Variants in B4GALT5 observed in about 807,000 individuals in gnomAD.
The protein encoded by B4GALT5 is UDP-Gal:beta-GlcNAc beta-1,4-galactosyltransferase 5.
A neutral mutation model predicts 45.0 loss-of-function variants in B4GALT5; 11 were observed. The ratio of observed to expected loss-of-function variants is 0.24; its 90% confidence interval spans 0.15 to 0.40. The LOEUF (loss-of-function observed/expected upper bound fraction) is 0.40. B4GALT5 is among the 10% of genes least tolerant of loss of function. The pLI is 1.00. For missense variants in B4GALT5, 337 were observed against 500.2 expected, an observed-to-expected ratio of 0.67 and a Z score of 3.11; for synonymous variants, 185 against 182.9, an observed-to-expected ratio of 1.01 and a Z score of -0.09.
intron 7 of B4GALT5, among the ~76,000 whole-genome samples, chr20:49,638,801 A>G (rs893095217): frequency 6.6e-6 from 1 of 152,250 alleles, no homozygotes; most frequent in African/African-American, 2.4e-5. Context: ...CAAAAGAATT[A>G]TCTACTATAT....
intron 1 of B4GALT5, among the ~76,000 whole-genome samples, chr20:49,688,465 A>G (rs1568730712): frequency 2.0e-5 from 3 of 152,250 alleles, no homozygotes; most frequent in East Asian, 3.9e-4. Flanking sequence ...CCTGACCAAA[A>G]CCACGCCCTT....
chr20:49,669,008 T>C (rs2085704336), intron 1 of B4GALT5, among the ~76,000 whole-genome samples: 1 of 151,576 alleles, frequency 6.6e-6, no homozygotes, highest in Admixed American at 6.6e-5. Context: ...ACCACAGGCG[T>C]ACACCACCAC....
chr20:49,645,616 G>A (rs1372502391), intron 3 of B4GALT5, among the ~76,000 whole-genome samples: 2 of 151,968 alleles, frequency 1.3e-5, no homozygotes, highest in Non-Finnish European at 2.9e-5. Flanking sequence ...AGGCGTGGTG[G>A]CAGATGCCTA....
At chr20:49,676,296 A>G (rs2085737064) in intron 1 of B4GALT5, among the ~76,000 whole-genome samples, 2 of 152,218 alleles carry the variant, frequency 1.3e-5, no homozygotes, top group South Asian at 2.1e-4. Flanking sequence ...ACTGACTACA[A>G]CCTTCTAAAT....
chr20:49,667,429 A>G (rs2085696174), intron 1 of B4GALT5, among the ~76,000 whole-genome samples: 1 of 150,890 alleles, frequency 6.6e-6, no homozygotes, highest in Non-Finnish European at 1.5e-5. Context: ...TTTTTTTTGT[A>G]TTTTTAGTAG....
intron 1 of B4GALT5, among the ~76,000 whole-genome samples, chr20:49,711,012 G>T (rs1226215150): frequency 2.0e-5 from 3 of 150,028 alleles, no homozygotes; most frequent in African/African-American, 7.4e-5. Context: ...GTGCCCAGGA[G>T]ATCAAGGCTG....
intron 1 of B4GALT5, among the ~76,000 whole-genome samples, chr20:49,709,849 G>A (rs1269373357): frequency 1.3e-5 from 2 of 151,894 alleles, no homozygotes; most frequent in Admixed American, 6.6e-5. Flanking sequence ...GTAGCTGAGG[G>A]CATTTTATAT....
Position 49,635,250 on chromosome 20 carries a change from C to T in B4GALT5, c.*1062G>A, listed in dbSNP as rs2085546762. The T allele has an allele frequency of 7.2e-6, 1 of 139,038 alleles. No individual in the cohort carries two copies. Among genetic ancestry groups the T allele is most frequent in the Admixed American group, 7.1e-5 (1 of 13,992 alleles). 8.6% of individuals were successfully genotyped at this position (139,038 alleles called of 1,614,324 possible). ...CCCCGCCCCCCGCCCCCCGCCCCGCCATGCTGATGAAAAGACAGAACACGA... is the reference window on the plus strand; with the variant it reads ...CCCCGCCCCCCGCCCCCCGCCCCGCTATGCTGATGAAAAGACAGAACACGA... On this transcript the variant is annotated 3_prime_UTR_variant, in exon 9 of 9. Coordinates refer to ENST00000371711, the MANE Select transcript of B4GALT5 (RefSeq NM_004776.4).
chr20:49,679,542 G>A (rs1011683774), intron 1 of B4GALT5, among the ~76,000 whole-genome samples: 1 of 151,840 alleles, frequency 6.6e-6, no homozygotes, highest in Non-Finnish European at 1.5e-5. Flanking sequence ...CAGGCGTGGT[G>A]GCATGCACCT....
chr20:49,665,437 GTAGTAA>G (rs1271121409), intron 1 of B4GALT5, among the ~76,000 whole-genome samples: 5 of 72,328 alleles, frequency 6.9e-5, no homozygotes, highest in Non-Finnish European at 1.4e-4. Flanking sequence ...TGGGGGGGTA[GTAGTAA>G]TAATAATAAT....
intron 2 of B4GALT5, among the ~76,000 whole-genome samples, chr20:49,654,759 A>AT (rs1241897552): frequency 3.3e-5 from 5 of 151,762 alleles, no homozygotes; most frequent in East Asian, 1.9e-4. Context: ...TAGAGGGAGA[A>AT]TTTTTTTTTA....
chr20:49,703,130 C>T lies in B4GALT5; in HGVS notation c.115+10446G>A, dbSNP rs1354883851. On this transcript the variant is annotated intron_variant, in intron 1 of 8. Transcript: ENST00000371711. ...CGGAGCTTGCAGTGAGACCAGATGG[C>T]GCCACTGCACTCCAGCCTGGGCGAG... Among the ~76,000 whole-genome samples the T allele has an allele frequency of 5.0e-5, 7 of 141,092 alleles. No homozygotes were observed. The South Asian group carries it at 9.1e-4, about 18-fold the overall frequency. 92.6% of individuals were successfully genotyped at this position (141,092 alleles called of 152,430 possible). A position where few individuals can be genotyped will look rare whatever the true frequency, so the allele number is the denominator to read the frequency against.
chr20:49,659,024 G>A (rs1345162871), intron 1 of B4GALT5, among the ~76,000 whole-genome samples: 1 of 152,134 alleles, frequency 6.6e-6, no homozygotes, highest in Non-Finnish European at 1.5e-5. Flanking sequence ...GGTCAACTGA[G>A]AGCACTAGAA....
At chr20:49,646,906 A>G (rs1601248273) in intron 3 of B4GALT5, 59 bp downstream of exon 3, 3 of 1,032,110 alleles carry the variant, frequency 2.9e-6, no homozygotes, top group East Asian at 5.0e-5. Flanking sequence ...AGAGATCAAG[A>G]GTGCCCTCCC....
At chr20:49,664,044 T>C (rs2085678403) in intron 1 of B4GALT5, among the ~76,000 whole-genome samples, 1 of 152,088 alleles carries the variant, frequency 6.6e-6, no homozygotes, top group African/African-American at 2.4e-5. Flanking sequence ...CAACTGACAT[T>C]TGTAATTTTG....
chr20:49,687,497 A>G (rs1288218096), intron 1 of B4GALT5, among the ~76,000 whole-genome samples: 1 of 152,028 alleles, frequency 6.6e-6, no homozygotes, highest in Non-Finnish European at 1.5e-5. Context: ...TACAAAAATT[A>G]GCCGGGTGTG....
At chr20:49,673,150 G>T (rs953662479) in intron 1 of B4GALT5, among the ~76,000 whole-genome samples, 1 of 152,146 alleles carries the variant, frequency 6.6e-6, no homozygotes, top group Non-Finnish European at 1.5e-5. Context: ...GGGAAGCCGA[G>T]GCAGGCGGAT....
intron 1 of B4GALT5, among the ~76,000 whole-genome samples, chr20:49,705,710 G>A (rs926751681): frequency 6.6e-6 from 1 of 152,070 alleles, no homozygotes; most frequent in African/African-American, 2.4e-5. Context: ...TCAGAATCAT[G>A]AAACTTCAGA....
intron 1 of B4GALT5, among the ~76,000 whole-genome samples, chr20:49,690,367 C>G (rs997106048): frequency 7.9e-5 from 12 of 151,930 alleles, no homozygotes; most frequent in African/African-American, 2.9e-4. Flanking sequence ...TGTGAAGAGA[C>G]AGTCTTAGAA....
Sources: allele counts gnomAD v4.1 joint callset (sites outside exome capture counted in the v4.1 genomes callset), GRCh38; gene constraint gnomAD v4.1.1; transcripts MANE v1.5; gene names NCBI Gene and HGNC (gene_info 2026-07-23, HGNC 2026-07-21).